The following SLC16A3 variants were observed in gnomAD, a reference collection of about 807,000 sequenced individuals.
SLC16A3 encodes the protein solute carrier family 16 member 3, also known as monocarboxylate transporter 4.
A neutral mutation model predicts 25.0 loss-of-function variants in SLC16A3; 22 were observed. The ratio of observed to expected loss-of-function variants is 0.88; its 90% CI spans 0.63 to 1.26. The LOEUF is 1.26. SLC16A3 is among the 50% of genes most tolerant of loss of function. SLC16A3 has a pLI of 0.00. For missense variants in SLC16A3, 731 were observed against 666.6 expected, an observed-to-expected ratio of 1.10 and a Z score of -1.06; for synonymous variants, 390 against 309.2, an observed-to-expected ratio of 1.26 and a Z score of -2.74.
At chr17:82,236,595 G>C in intron 2 of SLC16A3, 134 bp from the exon 3 acceptor site, 1 of 1,329,396 alleles carries the variant, frequency 7.5e-7, no homozygotes, top group Non-Finnish European at 1.0e-6. Flanking sequence ...GCCTGCCCAC[G>C]GGGTGCCCCT....
intron 1 of SLC16A3, chr17:82,234,182 T>C (rs796232887): frequency 6.6e-6 from 1 of 152,260 alleles, no homozygotes; most frequent in Non-Finnish European, 1.5e-5. Context: ...CCCTGCTGTA[T>C]ACTGTCATCT....
At position 82,237,793 on chromosome 17, in the gene SLC16A3, G is replaced by A; in HGVS notation, c.1023G>A (p.Glu341=). 6.2e-7 allele frequency: 1 copy of A among 1,611,284 alleles called. No individual in the cohort carries two copies. Among genetic ancestry groups the A allele is most frequent in the South Asian group, 1.1e-5 (1 of 91,088 alleles). Residue 341 remains glutamate, a synonymous_variant, in exon 4 of 5, where the codon GAG becomes GAA. Coordinates refer to ENST00000582743, the MANE Select transcript of SLC16A3 (RefSeq NM_004207.4). ...GCATGGTGGGGGCCCTGCAGTTCGAGGTGCTCATGGCCATCGTGGGCACCC... is the reference window on the plus strand; with the variant it reads ...GCATGGTGGGGGCCCTGCAGTTCGAAGTGCTCATGGCCATCGTGGGCACCC... ...SYGMVGALQF[E]VLMAIVGTHK...
chr17:82,221,850 A>T (rs913140961), intron 1 of SLC16A3, among the ~76,000 whole-genome samples: 4 of 152,158 alleles, frequency 2.6e-5, no homozygotes, highest in Non-Finnish European at 4.4e-5. Context: ...CCTGGGCAAC[A>T]TAAGAAGACC....
intron 1 of SLC16A3, among the ~76,000 whole-genome samples, chr17:82,219,626 G>T (rs1215725373): frequency 6.6e-6 from 1 of 152,118 alleles, no homozygotes; most frequent in Non-Finnish European, 1.5e-5. Context: ...GGGTTCTGGG[G>T]CCCCTGCCTG....
chr17:82,226,489 G>A (rs1471508145), upstream of SLC16A3, among the ~76,000 whole-genome samples: 1 of 152,070 alleles, frequency 6.6e-6, no homozygotes, highest in African/African-American at 2.4e-5. Context: ...CGGGCCAGGG[G>A]ATCGCACCAT....
chr17:82,226,343 G>C (rs1025422333), upstream of SLC16A3, among the ~76,000 whole-genome samples: 1 of 152,156 alleles, frequency 6.6e-6, no homozygotes, highest in Non-Finnish European at 1.5e-5. Flanking sequence ...CCTGGGGTCT[G>C]ACCCAGGGCC....
exon 1 of SLC16A3, among the ~76,000 whole-genome samples, chr17:82,218,095 G>T (rs918655094): frequency 5.3e-5 from 8 of 152,224 alleles, no homozygotes; most frequent in Non-Finnish European, 1.0e-4. Flanking sequence ...GGGCTGGCAG[G>T]TGGTGACCTC....
chr17:82,238,027 C>T, intron 4 of SLC16A3, 134 bp downstream of exon 4: 4 of 1,039,216 alleles, frequency 3.8e-6, no homozygotes, highest in Non-Finnish European at 5.5e-6. Flanking sequence ...GTGCACTGTG[C>T]TGGACCAACC....
chr17:82,227,312 C>T (rs11077983), upstream of SLC16A3, among the ~76,000 whole-genome samples: 115,185 of 151,986 alleles, frequency 0.76, 44,306 homozygotes, highest in East Asian at 0.93. Flanking sequence ...TGCTGCTCTA[C>T]GGTGGGGGTT....
At chr17:82,220,816 A>T in intron 1 of SLC16A3, among the ~76,000 whole-genome samples, 1 of 151,972 alleles carries the variant, frequency 6.6e-6, no homozygotes, top group Non-Finnish European at 1.5e-5. Context: ...TAATTAATTA[A>T]TTTAATTTAT....
intron 2 of SLC16A3, 32 bp downstream of exon 2, chr17:82,236,263 C>T (rs377535172): frequency 6.5e-5 from 103 of 1,592,434 alleles, no homozygotes; most frequent in Middle Eastern, 3.3e-4. Flanking sequence ...GCCCCCTGTC[C>T]GGGGCTCTGC....
chr17:82,237,904 C>A lies in SLC16A3; in HGVS notation c.1123+11C>A. ...GGCCCCCTTCGGGAGGTGAGCGCTG[C>A]GCCCCCAGGCAGTTCCCCACACCTG... On this transcript the variant is annotated intron_variant, in intron 4 of 4. Transcript: ENST00000582743. 1 of 1,593,498 alleles carries A rather than the reference C, an allele frequency of 6.3e-7. No homozygotes were observed. Among genetic ancestry groups the A allele is most frequent in the South Asian group, 1.1e-5 (1 of 90,776 alleles).
chr17:82,237,797 C>T lies in SLC16A3; in HGVS notation c.1027C>T (p.Leu343Phe). The T allele has an allele frequency of 1.2e-6, 2 of 1,611,170 alleles. No individual in the cohort carries two copies. The highest frequency in any genetic ancestry group is 2.2e-5 in the South Asian group (2 of 91,080). The change falls in exon 4 of 5, where the codon CTC (leucine) becomes TTC (phenylalanine). Residue 343 changes from leucine to phenylalanine, a missense_variant. Transcript: ENST00000582743. Reference protein sequence around the residue: ...GMVGALQFEVLMAIVGTHKFS... With the variant: ...GMVGALQFEVFMAIVGTHKFS... ...GGTGGGGGCCCTGCAGTTCGAGGTG[C>T]TCATGGCCATCGTGGGCACCCACAA...
upstream of SLC16A3, among the ~76,000 whole-genome samples, chr17:82,225,786 G>A (rs1034559445): frequency 1.3e-4 from 20 of 152,286 alleles, no homozygotes; most frequent in Non-Finnish European, 2.9e-5. Flanking sequence ...CGCAGGATGT[G>A]GGCTGTGTGG....
chr17:82,220,201 A>T (rs2050380771), intron 1 of SLC16A3, among the ~76,000 whole-genome samples: 1 of 152,070 alleles, frequency 6.6e-6, no homozygotes, highest in African/African-American at 2.4e-5. Context: ...GCCACCCCAA[A>T]ACCTTCTTGC....
chr17:82,236,013 G>A lies in SLC16A3; in HGVS notation c.5G>A (p.Gly2Glu), dbSNP rs913990290. 6.2e-7 allele frequency: 1 copy of A among 1,611,190 alleles called. No homozygotes were observed. Among genetic ancestry groups the A allele is most frequent in the Admixed American group, 1.7e-5 (1 of 59,826 alleles). The change falls in exon 2 of 5, where the codon GGA becomes GAA. Residue 2 changes from glycine (G) to glutamate (E), a missense_variant. By Grantham distance (98) the Gly-to-Glu change is moderately conservative. Coordinates refer to ENST00000582743, the MANE Select transcript of SLC16A3 (RefSeq NM_004207.4). MGGAVVDEGPTG... is the reference protein window; with the variant it reads MEGAVVDEGPTG... ...GCGGAACCAACCCTCCTGGCCATGG[G>A]AGGGGCCGTGGTGGACGAGGGCCCC... is the stretch of plus-strand genomic sequence containing the variant.
rs760528957 is a variant in SLC16A3 at position 82,237,204 on chromosome 17, G to A, written c.434G>A (p.Arg145His). The A allele has an allele frequency of 5.2e-6, 8 of 1,533,812 alleles. No homozygotes were observed. Among genetic ancestry groups the A allele is most frequent in the East Asian group, 4.8e-5 (2 of 41,458 alleles). ...IMLNRYFSKR[R>H]PMANGLAAAG... is the part of the protein sequence containing the mutation. ...CTGAACCGCTACTTCAGCAAGCGGC[G>A]CCCCATGGCCAACGGGCTGGCGGCA... Residue 145 changes from arginine to histidine, a missense_variant, in exon 4 of 5, where the codon CGC (arginine) becomes CAC (histidine). Coordinates refer to ENST00000582743, the MANE Select transcript of SLC16A3 (RefSeq NM_004207.4).
chr17:82,229,704 C>T (rs1332750094), intron 1 of SLC16A3: 1 of 152,364 alleles, frequency 6.6e-6, no homozygotes, highest in Non-Finnish European at 1.5e-5. Flanking sequence ...TACCTCCACC[C>T]CTGGCCCCCA....
At chr17:82,236,364 C>T in intron 2 of SLC16A3, 133 bp downstream of exon 2, 1 of 847,218 alleles carries the variant, frequency 1.2e-6, no homozygotes, top group Non-Finnish European at 1.8e-6. Flanking sequence ...CCCTTGGGGC[C>T]AGGATCCTGC....
Sources: gnomAD v4.1 joint callset for allele counts (sites outside exome capture counted in the v4.1 genomes callset) on GRCh38, gnomAD v4.1.1 for gene constraint, MANE v1.5 for transcripts, NCBI Gene and HGNC (gene_info 2026-07-23, HGNC 2026-07-21) for gene names.